Variants in ADAMTS16 observed in about 807,000 individuals in gnomAD.
ADAMTS16 encodes ADAM metallopeptidase with thrombospondin type 1 motif 16.
ADAMTS16 carries 94 observed loss-of-function variants against 145.8 expected under a neutral mutation model. That is an observed-to-expected ratio of 0.64 (90% CI 0.55 to 0.77). The LOEUF (loss-of-function observed/expected upper bound fraction) is 0.77, where lower values mean the gene tolerates loss of function less well. Ranked by LOEUF, ADAMTS16 falls within the 30% of genes least tolerant of loss-of-function variation. The probability of loss-of-function intolerance (pLI) is 0.00; values close to 1 mark genes in which losing one functional copy is unlikely to be tolerated. For missense variants in ADAMTS16, 1,585 were observed against 1,591.5 expected (o/e 1.00, Z 0.07); for synonymous variants, 659 against 604.3 (o/e 1.09, Z -1.33).
chr5:5,177,337 A>G (rs1735225434), intron 3 of ADAMTS16, among the ~76,000 whole-genome samples: 3 of 152,210 alleles, frequency 2.0e-5, no homozygotes, highest in African/African-American at 2.4e-5. Context: ...AAATGACTGA[A>G]ATTGTGAAGC....
At chr5:5,255,615 C>A (rs1406028751) in intron 17 of ADAMTS16, among the ~76,000 whole-genome samples, 1 of 152,230 alleles carries the variant, frequency 6.6e-6, no homozygotes, top group Non-Finnish European at 1.5e-5. Flanking sequence ...CTTCTCACTC[C>A]TCCACCTTCC....
chr5:5,163,846 C>T (rs1474383035), intron 3 of ADAMTS16, among the ~76,000 whole-genome samples: 1 of 152,166 alleles, frequency 6.6e-6, no homozygotes, highest in Non-Finnish European at 1.5e-5. Flanking sequence ...CCCACAACAC[C>T]ATGCTTTCCT....
chr5:5,226,254 A>G (rs1014496934), intron 11 of ADAMTS16, among the ~76,000 whole-genome samples: 4 of 152,216 alleles, frequency 2.6e-5, no homozygotes, highest in Admixed American at 2.0e-4. Flanking sequence ...ATGGACTCAC[A>G]GTTCTACATG....
At chr5:5,265,732 A>G (rs1738217753) in intron 18 of ADAMTS16, among the ~76,000 whole-genome samples, 1 of 152,184 alleles carries the variant, frequency 6.6e-6, no homozygotes, top group Admixed American at 6.5e-5. Context: ...TGCTGCACCA[A>G]CTTGACCTCA....
intron 18 of ADAMTS16, among the ~76,000 whole-genome samples, chr5:5,285,933 T>A (rs1351945291): frequency 6.6e-6 from 1 of 152,252 alleles, no homozygotes; most frequent in Non-Finnish European, 1.5e-5. Context: ...AGTGCTTTCC[T>A]GAGTTTGTGA....
intron 10 of ADAMTS16, among the ~76,000 whole-genome samples, chr5:5,210,038 C>T (rs896348366): frequency 2.0e-5 from 3 of 152,144 alleles, no homozygotes; most frequent in Admixed American, 1.3e-4. Context: ...CAGAGCTCCC[C>T]CAAAGATCAA....
In ADAMTS16 at chr5:5,239,767, C is replaced by T. The variant is rs9313105; in HGVS notation, c.2365C>T (p.Arg789Cys). The part of the protein sequence containing the change: ...MNVSTSYISV[R>C]NALRRYYLNG... ...CGTCTCTACCTCCTACATTTCTGTG[C>T]GCAATGCCCTCAGAAGGTACTACCT... The change falls in exon 16 of 23, where the codon CGC becomes TGC. Residue 789 changes from arginine (R) to cysteine (C), a missense_variant. Physicochemically the swap from Arg to Cys is radical, Grantham distance 180 (BLOSUM62 -3). This residue lies in a region of ADAMTS16 where 834 missense variants were observed against 811.7 expected (regional missense o/e 1.03). Transcript: ENST00000274181. The T allele has an allele frequency of 6.9e-4, 1,106 of 1,614,090 alleles. 7 individuals carry two copies. In the African/African-American group the frequency reaches 0.013, roughly 18 times the overall value.
chr5:5,208,807 T>C (rs1736198656), intron 9 of ADAMTS16, among the ~76,000 whole-genome samples: 1 of 152,224 alleles, frequency 6.6e-6, no homozygotes, highest in Non-Finnish European at 1.5e-5. Context: ...TGGTTGTAAT[T>C]ATTCAGTTGC....
At chr5:5,267,272 C>T (rs888249669) in intron 18 of ADAMTS16, among the ~76,000 whole-genome samples, 2 of 152,144 alleles carry the variant, frequency 1.3e-5, no homozygotes, top group Admixed American at 1.3e-4. Flanking sequence ...GTTTGTCGTC[C>T]CTGGGCAGCT....
intron 19 of ADAMTS16, 49 bp from the exon 20 acceptor site, chr5:5,303,523 G>C (rs368417555): frequency 1.2e-6 from 2 of 1,609,290 alleles, no homozygotes; most frequent in Non-Finnish European, 8.5e-7. Context: ...ATGATCTGCT[G>C]TGTTGCACAT....
At chr5:5,222,765 T>C (rs762782553) in intron 10 of ADAMTS16, 24 bp from the exon 11 acceptor site, 6 of 1,580,554 alleles carry the variant, frequency 3.8e-6, no homozygotes, top group Admixed American at 1.7e-5. Context: ...GTAATCCTAA[T>C]GACCTTTTAC....
At chr5:5,238,401 C>T (rs1462178702) in intron 14 of ADAMTS16, among the ~76,000 whole-genome samples, 3 of 152,086 alleles carry the variant, frequency 2.0e-5, no homozygotes, top group Non-Finnish European at 4.4e-5. Context: ...TTATGGGATG[C>T]CACCCTAAGC....
At chr5:5,186,301 GGTGT>G (rs1553989063) in intron 5 of ADAMTS16, 50 bp downstream of exon 5, 527 of 984,222 alleles carry the variant, frequency 5.4e-4, no homozygotes, top group East Asian at 1.5e-3. Context: ...CACTTCGTAG[GGTGT>G]GTGTGTGTGT....
intron 8 of ADAMTS16, among the ~76,000 whole-genome samples, chr5:5,192,159 A>G (rs1049333150): frequency 1.3e-5 from 2 of 151,920 alleles, no homozygotes; most frequent in African/African-American, 2.4e-5. Flanking sequence ...AATTTTTGTA[A>G]TTTTTGGAGT....
At chr5:5,165,909 C>G (rs939297458) in intron 3 of ADAMTS16, among the ~76,000 whole-genome samples, 1 of 152,118 alleles carries the variant, frequency 6.6e-6, no homozygotes, top group African/African-American at 2.4e-5. Flanking sequence ...CCAGTGTGGC[C>G]GCCTCCTCTG....
intron 17 of ADAMTS16, among the ~76,000 whole-genome samples, chr5:5,253,706 A>G (rs1475395991): frequency 6.6e-6 from 1 of 152,114 alleles, no homozygotes; most frequent in Admixed American, 6.5e-5. Context: ...TGCAACCCAC[A>G]TCTTCGAAGA....
chr5:5,270,487 G>A (rs1002249556), intron 18 of ADAMTS16, among the ~76,000 whole-genome samples: 1 of 152,180 alleles, frequency 6.6e-6, no homozygotes, highest in African/African-American at 2.4e-5. Context: ...TCTCAGGTGT[G>A]ATAAACACTC....
intron 17 of ADAMTS16, among the ~76,000 whole-genome samples, chr5:5,260,824 T>C (rs1374247823): frequency 6.6e-6 from 1 of 152,254 alleles, no homozygotes; most frequent in Non-Finnish European, 1.5e-5. Context: ...CTTTCAATTT[T>C]CCTTAAGTCA....
intron 7 of ADAMTS16, among the ~76,000 whole-genome samples, chr5:5,190,859 G>T (rs75507767): frequency 0.019 from 2,850 of 152,198 alleles, 83 homozygotes; most frequent in African/African-American, 0.066. Context: ...AACTCAGGTT[G>T]TAGGATGGTT....
Sources: allele counts gnomAD v4.1 joint callset (sites outside exome capture counted in the v4.1 genomes callset), GRCh38; gene constraint gnomAD v4.1.1; regional missense constraint gnomAD v4.1.1; transcripts MANE v1.5; gene names NCBI Gene and HGNC (gene_info 2026-07-23, HGNC 2026-07-21).